DCHS1: variants seen among roughly 807,000 people sequenced by gnomAD.
The protein encoded by DCHS1 is dachsous cadherin-related 1, also known as protocadherin-16.
Under a neutral mutation model 213.9 loss-of-function variants are expected in DCHS1, and 78 were observed. That is an observed-to-expected ratio of 0.36 (90% confidence interval 0.30 to 0.44). The LOEUF (loss-of-function observed/expected upper bound fraction) is 0.44. DCHS1 is among the 20% of genes least tolerant of loss of function. The pLI is 1.00. For missense variants in DCHS1, 3,946 were observed against 4,395.9 expected, an observed-to-expected ratio of 0.90 and a Z score of 2.89; for synonymous variants, 1,828 against 1,873.7, an observed-to-expected ratio of 0.98 and a Z score of 0.63.
At position 6,625,786 on chromosome 11, in the gene DCHS1, G is replaced by A; in HGVS notation, c.6732-59C>T. ...GGCAATAAGGGGGAACTCTGGGCAGGGCCAGGAGGACTCAGGACAGAGCTT... is the reference window on the plus strand; with the variant it reads ...GGCAATAAGGGGGAACTCTGGGCAGAGCCAGGAGGACTCAGGACAGAGCTT... On this transcript the variant is annotated intron_variant, in intron 17 of 20. Coordinates refer to ENST00000299441, the MANE Select transcript of DCHS1 (RefSeq NM_003737.4). This position sits in a 1 kb window ranked among gnomAD's most constrained non-coding sequence, Gnocchi z 5.3. The A allele has an allele frequency of 6.3e-7, 1 of 1,587,600 alleles. No individual in the cohort carries two copies. The highest frequency in any genetic ancestry group is 8.6e-7 in the Non-Finnish European group (1 of 1,166,088).
chr11:6,655,574 G>A lies in DCHS1; in HGVS notation c.-132C>T. The A allele has an allele frequency of 1.0e-6, 1 of 980,504 alleles. No individual in the cohort carries two copies. The highest frequency in any genetic ancestry group is 1.2e-6 in the Non-Finnish European group (1 of 828,072). The allele number at this position is 980,504 out of a possible 1,614,324, so 60.7% of individuals were successfully genotyped here. A position where few individuals can be genotyped will look rare whatever the true frequency, so the allele number is the denominator to read the frequency against. On this transcript the variant is annotated 5_prime_UTR_variant, in exon 1 of 21. Transcript: ENST00000299441. ...GCGCGGGCACTGACCTCCGCGCGAC[G>A]CGGGCTCCCTCGCCCGGTGCTGGGG...
rs984021998 is a variant in DCHS1 at position 6,625,035 on chromosome 11, G to A, written c.7146+163C>T. 6.6e-6 allele frequency among the ~76,000 whole-genome samples: 1 copy of A among 152,118 alleles called. No individual in the cohort carries two copies. The highest frequency in any genetic ancestry group is 1.5e-5 in the Non-Finnish European group (1 of 68,022). Reference sequence around the variant, plus strand: ...AAATGCCCACCTTCTCCCCTTTCTGGGTACAGGATGCAAAACCAGGATGTA... The same window carrying A: ...AAATGCCCACCTTCTCCCCTTTCTGAGTACAGGATGCAAAACCAGGATGTA... On this transcript the variant is annotated intron_variant, in intron 19 of 20. Coordinates refer to ENST00000299441, the MANE Select transcript of DCHS1 (RefSeq NM_003737.4). The surrounding 1 kb of genome is among the most constrained non-coding windows in gnomAD (Gnocchi z 5.3).
chr11:6,627,364 T>C lies in DCHS1; in HGVS notation c.5675A>G (p.Tyr1892Cys). The change falls in exon 14 of 21, where the codon TAC (tyrosine) becomes TGC (cysteine). Residue 1892 changes from tyrosine to cysteine, a missense_variant. Physicochemically the swap from Tyr to Cys is radical, Grantham distance 194. Coordinates refer to ENST00000299441, the MANE Select transcript of DCHS1 (RefSeq NM_003737.4). The surrounding 1 kb of genome is among the most constrained non-coding windows in gnomAD (Gnocchi z 5.4). ...TCCTGCTGTACCGGCGCCCAGGTAG[T>C]AGGTCACATGGCCATTAGCTCCAGC... is the stretch of plus-strand genomic sequence containing the variant. ...PDAGANGHVT[Y>C]YLGAGTAGAF... 1 of 1,607,788 alleles carries C rather than the reference T, an allele frequency of 6.2e-7. No homozygotes were observed. Among genetic ancestry groups the C allele is most frequent in the Non-Finnish European group, 8.5e-7 (1 of 1,177,134 alleles).
At chr11:6,645,132 A>G (rs749806259) in intron 1 of DCHS1, among the ~76,000 whole-genome samples, 4 of 152,236 alleles carry the variant, frequency 2.6e-5, no homozygotes, top group Non-Finnish European at 4.4e-5. Flanking sequence ...GGTATTTGCT[A>G]GACTCTCTTT....
At position 6,632,779 on chromosome 11, in the gene DCHS1, A is replaced by T. The variant is rs755649988; in HGVS notation, c.2733T>A (p.Thr911=). 1 of 1,613,722 alleles carries T rather than the reference A, an allele frequency of 6.2e-7. No homozygotes were observed. Among genetic ancestry groups the T allele is most frequent in the Non-Finnish European group, 8.5e-7 (1 of 1,179,772 alleles). ...VLLPPNTAPG[T]PIYTLRALDP... ...CAAGAGCCCGCAGTGTATAGATGGG[A>T]GTCCCTGGGGCAGTGTTTGGTGGTA... Residue 911 remains threonine, a synonymous_variant, in exon 6 of 21, where the codon ACT becomes ACA. Transcript: ENST00000299441. This position sits in a 1 kb window ranked among gnomAD's most constrained non-coding sequence, Gnocchi z 5.9.
intron 2 of DCHS1, 53 bp downstream of exon 2, chr11:6,639,762 CCT>C (rs1338352632): frequency 6.9e-7 from 1 of 1,447,296 alleles, no homozygotes; most frequent in African/African-American, 1.4e-5. Flanking sequence ...TCTGAGGTCC[CCT>C]GTGGCTCTCA....
rs746198234 is a variant in DCHS1, at chr11:6,623,023, C to T, written c.8653G>A (p.Gly2885Arg). 3 of 1,573,910 alleles carry T rather than the reference C, an allele frequency of 1.9e-6. No individual in the cohort carries two copies. In the Admixed American group the frequency reaches 5.5e-5, roughly 29 times the overall value. Reference sequence around the variant, plus strand: ...TCCCGCCGGGTCCGGCCCCCACCCCCAGAGGTGGCTGTTCCGCTGCCTGGT... The same window carrying T: ...TCCCGCCGGGTCCGGCCCCCACCCCTAGAGGTGGCTGTTCCGCTGCCTGGT... ...RAPGSGTATS[G>R]GGGRTRREAP... is the part of the protein sequence containing the mutation. Residue 2885 changes from glycine to arginine, a missense_variant, in exon 21 of 21, where the codon GGG becomes AGG. Transcript: ENST00000299441.
In DCHS1 at chr11:6,632,538, C is replaced by G. The variant is rs764357544; in HGVS notation, c.2974G>C (p.Gly992Arg). 15 of 1,532,016 alleles carry G rather than the reference C, an allele frequency of 9.8e-6. No homozygotes were observed. Among genetic ancestry groups the G allele is most frequent in the Non-Finnish European group, 1.2e-5 (14 of 1,137,194 alleles). 94.9% of individuals were successfully genotyped at this position (1,532,016 alleles called of 1,614,324 possible). Reference protein sequence around the residue: ...FRLRVVVQDVGTRGLAPRFNS... With the variant: ...FRLRVVVQDVRTRGLAPRFNS... ...AATCGGGGAGCCAGCCCACGGGTTC[C>G]CACATCCTGTACCACCACCCGTAGT... Residue 992 changes from glycine (G) to arginine (R), a missense_variant, in exon 6 of 21, where the codon GGA becomes CGA. Transcript: ENST00000299441. The surrounding 1 kb of genome is among the most constrained non-coding windows in gnomAD (Gnocchi z 5.9).
chr11:6,624,946 T>C lies in DCHS1; in HGVS notation c.7147-78A>G, dbSNP rs1028741665. 7 of 1,581,324 alleles carry C rather than the reference T, an allele frequency of 4.4e-6. No individual in the cohort carries two copies. In the Admixed American group the frequency reaches 1.1e-4, roughly 24 times the overall value. On this transcript the variant is annotated intron_variant, in intron 19 of 20. Transcript: ENST00000299441. The stretch of plus-strand genomic sequence containing the variant: ...CCATGCAGCCTGTTCTGGAGCTTGG[T>C]TCCTTGTGCCCTGCTTGGCGTCTAT...
In DCHS1 at chr11:6,632,371, C is replaced by G; in HGVS notation, c.3141G>C (p.Leu1047=). 1 of 1,613,962 alleles carries G rather than the reference C, an allele frequency of 6.2e-7. No individual in the cohort carries two copies. The highest frequency in any genetic ancestry group is 8.5e-7 in the Non-Finnish European group (1 of 1,179,838). The change falls in exon 6 of 21, where the codon CTG becomes CTC. Residue 1047 remains leucine, a synonymous_variant. Transcript: ENST00000299441. The surrounding 1 kb of genome is among the most constrained non-coding windows in gnomAD (Gnocchi z 5.9). The part of the protein sequence containing the change: ...AAEGASSPFG[L]EPQSGWLWVR... ...CCCATAGCCACCCACTCTGTGGCTC[C>G]AGGCCAAAGGGGCTACTTGCTCCCT...
rs1031503637 is a variant in DCHS1 at position 6,624,027 on chromosome 11, G to T, written c.7649C>A (p.Ala2550Glu). The change falls in exon 21 of 21, where the codon GCA (alanine) becomes GAA (glutamate). Residue 2550 changes from alanine to glutamate, a missense_variant. By Grantham distance (107) the Ala-to-Glu change is moderately radical. Around this residue, in one of 3 missense-constraint regions of DCHS1, gnomAD observed 3,384 missense variants for 3,780.1 expected, o/e 0.90. Transcript: ENST00000299441. ...AGESAGPGPR[A>E]LGCLVLLEPL... ...TTCAAGCAACACCAGGCAGCCCAGTGCCCGGGGGCCTGGTCCAGCACTCTC... is the reference window on the plus strand; with the variant it reads ...TTCAAGCAACACCAGGCAGCCCAGTTCCCGGGGGCCTGGTCCAGCACTCTC... The T allele has an allele frequency of 3.7e-6, 6 of 1,613,600 alleles. No homozygotes were observed. Among genetic ancestry groups the T allele is most frequent in the Middle Eastern group, 1.6e-4 (1 of 6,062 alleles).
In DCHS1 at chr11:6,621,723, G is replaced by C. The variant is rs752029422; in HGVS notation, c.*56C>G. 95 of 1,532,312 alleles carry C rather than the reference G, an allele frequency of 6.2e-5. No homozygotes were observed. In the East Asian group the frequency reaches 2.3e-3, roughly 37 times the overall value. 94.9% of individuals were successfully genotyped at this position (1,532,312 alleles called of 1,614,324 possible). On this transcript the variant is annotated 3_prime_UTR_variant, in exon 21 of 21. Transcript: ENST00000299441. ...GCTGCCCAGGGCAGGCTCAGAGTGG[G>C]GCCTGCGTTGGGGACACTGTGCGCA...
In DCHS1 at chr11:6,626,756, G is replaced by A. The variant is rs371088691; in HGVS notation, c.6250+33C>T. ...AAGCACAACCCCAGCCCATTTGGGAGTCTGAATCTGGAAGAAATGGCTGGG... is the reference window on the plus strand; with the variant it reads ...AAGCACAACCCCAGCCCATTTGGGAATCTGAATCTGGAAGAAATGGCTGGG... On this transcript the variant is annotated intron_variant, in intron 14 of 20. Transcript: ENST00000299441. The surrounding 1 kb of genome is among the most constrained non-coding windows in gnomAD (Gnocchi z 5.2). 7 of 1,608,982 alleles carry A rather than the reference G, an allele frequency of 4.4e-6. No homozygotes were observed. The highest frequency in any genetic ancestry group is 5.9e-6 in the Non-Finnish European group (7 of 1,177,664).
At chr11:6,650,860 T>G (rs1340145533) in intron 1 of DCHS1, among the ~76,000 whole-genome samples, 2 of 152,050 alleles carry the variant, frequency 1.3e-5, no homozygotes, top group African/African-American at 4.8e-5. Flanking sequence ...AAAGTACAGA[T>G]AAGGGAGAGG....
In DCHS1 at chr11:6,622,803, A is replaced by G. The variant is rs762136890; in HGVS notation, c.8873T>C (p.Leu2958Pro). Residue 2958 changes from leucine to proline, a missense_variant, in exon 21 of 21, where the codon CTA (leucine) becomes CCA (proline). Transcript: ENST00000299441. This position sits in a 1 kb window ranked among gnomAD's most constrained non-coding sequence, Gnocchi z 5.4. Reference sequence around the variant, plus strand: ...GCGGCTACGGGCCCGAACAAGTCCTAGGACCAGGGCTGCCAGTGCAAGCAC... The same window carrying G: ...GCGGCTACGGGCCCGAACAAGTCCTGGGACCAGGGCTGCCAGTGCAAGCAC... The part of the protein sequence containing the change: ...VVVLALAALV[L>P]GLVRARSRKA... 25 of 1,593,798 alleles carry G rather than the reference A, an allele frequency of 1.6e-5. No homozygotes were observed. The East Asian group carries it at 5.7e-4, about 36-fold the overall frequency.
At position 6,630,807 on chromosome 11, in the gene DCHS1, T is replaced by C; in HGVS notation, c.3987A>G (p.Pro1329=). 6.5e-7 allele frequency: 1 copy of C among 1,543,096 alleles called. No individual in the cohort carries two copies. The highest frequency in any genetic ancestry group is 8.7e-7 in the Non-Finnish European group (1 of 1,142,916). ...EPPPDLAERD[P]AAPVPVVLTV... ...TCAGCACGACAGGCACTGGTGCCGC[T>C]GGGTCCCGCTCTGCGAGATCTGGGG... Residue 1329 remains proline (P), a synonymous_variant, in exon 10 of 21, where the codon CCA becomes CCG. Transcript: ENST00000299441.
Position 6,631,803 on chromosome 11 carries a change from A to G in DCHS1, c.3488T>C (p.Val1163Ala). The G allele has an allele frequency of 6.5e-7, 1 of 1,530,284 alleles. No homozygotes were observed. The highest frequency in any genetic ancestry group is 8.8e-7 in the Non-Finnish European group (1 of 1,138,128). 94.8% of individuals were successfully genotyped at this position (1,530,284 alleles called of 1,614,324 possible). The change falls in exon 7 of 21, where the codon GTG (valine) becomes GCG (alanine). Residue 1163 changes from valine to alanine, a missense_variant. Physicochemically the swap from Val to Ala is moderately conservative, Grantham distance 64 (BLOSUM62 0). This residue lies in a region of DCHS1 where 3,384 missense variants were observed against 3,780.1 expected (regional missense o/e 0.90). Transcript: ENST00000299441. ...AFRIHPQTGE[V>A]TTLQTLDREQ... Reference sequence around the variant, plus strand: ...ACGGTCCAGGGTTTGGAGTGTGGTCACTTCTCCTGGGAGTGCAAGAAGGCG... The same window carrying G: ...ACGGTCCAGGGTTTGGAGTGTGGTCGCTTCTCCTGGGAGTGCAAGAAGGCG...
intron 2 of DCHS1, among the ~76,000 whole-genome samples, chr11:6,638,479 C>T (rs1589959543): frequency 6.6e-6 from 1 of 152,324 alleles, no homozygotes; most frequent in East Asian, 1.9e-4. Flanking sequence ...CTGATGCCAG[C>T]CTGAACAATA....
rs775699777 is a variant in DCHS1, at chr11:6,630,435, T to G, written c.4359A>C (p.Ala1453=). The part of the protein sequence containing the change: ...LALPENPEPG[A]ALYTFRASDA... Reference sequence around the variant, plus strand: ...CCGACGCGCGGAAAGTGTACAGCGCTGCGCCGGGCTCCGGGTTCTCTGGCA... The same window carrying G: ...CCGACGCGCGGAAAGTGTACAGCGCGGCGCCGGGCTCCGGGTTCTCTGGCA... Residue 1453 remains alanine (A), a synonymous_variant, in exon 10 of 21, where the codon GCA becomes GCC. Transcript: ENST00000299441. 2 of 1,502,310 alleles carry G rather than the reference T, an allele frequency of 1.3e-6. No homozygotes were observed. The highest frequency in any genetic ancestry group is 1.2e-5 in the South Asian group (1 of 82,556). The allele number at this position is 1,502,310 out of a possible 1,614,324, so 93.1% of individuals were successfully genotyped here. A position where few individuals can be genotyped will look rare whatever the true frequency, so the allele number is the denominator to read the frequency against.
Sources: allele counts gnomAD v4.1 joint callset (sites outside exome capture counted in the v4.1 genomes callset), GRCh38; gene constraint gnomAD v4.1.1; regional missense constraint gnomAD v4.1.1; non-coding constraint Gnocchi (gnomAD v3.1); transcripts MANE v1.5; gene names NCBI Gene and HGNC (gene_info 2026-07-23, HGNC 2026-07-21).